The following PDE4D variants were observed in gnomAD, a reference collection of about 807,000 sequenced individuals.
PDE4D encodes phosphodiesterase 4D, also known as 3',5'-cyclic-AMP phosphodiesterase 4D.
Under a neutral mutation model 87.4 loss-of-function variants are expected in PDE4D, and 24 were observed. The observed-to-expected ratio is 0.27, with a 90% CI of 0.20 to 0.39. PDE4D has a LOEUF of 0.39. PDE4D is among the 10% of genes least tolerant of loss of function. PDE4D has a pLI of 1.00. For missense variants in PDE4D, 714 were observed against 1,041.0 expected (o/e 0.69, Z 4.32); for synonymous variants, 384 against 383.2 (o/e 1.00, Z -0.02).
chr5:60,501,360 A>G (rs896014413), intron 1 of PDE4D, among the ~76,000 whole-genome samples: 5 of 151,790 alleles, frequency 3.3e-5, no homozygotes, highest in African/African-American at 1.2e-4. Context: ...ATAGTATTCC[A>G]TGGTGTATAT....
intron 3 of PDE4D, among the ~76,000 whole-genome samples, chr5:59,898,962 G>A (rs953642652): frequency 6.6e-5 from 10 of 152,272 alleles, no homozygotes; most frequent in Non-Finnish European, 1.2e-4. Context: ...GAACTGCAGG[G>A]CACAGATGGA....
At chr5:59,818,125 G>T (rs964875702) in intron 1 of PDE4D, among the ~76,000 whole-genome samples, 3 of 152,178 alleles carry the variant, frequency 2.0e-5, no homozygotes, top group Middle Eastern at 3.2e-3. Context: ...CAACACTCAG[G>T]CATGGCAGGG....
chr5:59,303,842 CT>C (rs1770745938), intron 1 of PDE4D, among the ~76,000 whole-genome samples: 1 of 152,050 alleles, frequency 6.6e-6, no homozygotes, highest in Non-Finnish European at 1.5e-5. Flanking sequence ...CAGATTTGTA[CT>C]TTTTGCTTGG....
In PDE4D at chr5:59,412,049, T is replaced by C. The variant is rs144909812; in HGVS notation, c.456-196081A>G. On this transcript the variant is annotated intron_variant, in intron 1 of 14. Transcript: ENST00000340635. Reference sequence around the variant, plus strand: ...AGGTAAGCCAGACTCAATATCTATATACAAGAGGGCTTTGTTGAGAAGGAT... The same window carrying C: ...AGGTAAGCCAGACTCAATATCTATACACAAGAGGGCTTTGTTGAGAAGGAT... Among the ~76,000 whole-genome samples, 200 of 152,274 alleles carry C rather than the reference T, an allele frequency of 1.3e-3. 3 individuals are homozygous for C. Among genetic ancestry groups the C allele is most frequent in the African/African-American group, 4.5e-3 (185 of 41,546 alleles).
chr5:60,298,275 T>A (rs773818504), intron 1 of PDE4D, among the ~76,000 whole-genome samples: 8 of 152,152 alleles, frequency 5.3e-5, no homozygotes, highest in Admixed American at 3.9e-4. Context: ...ACCATTCAAC[T>A]AACATAAAAG....
intron 1 of PDE4D, among the ~76,000 whole-genome samples, chr5:59,725,783 C>T (rs770667941): frequency 8.6e-5 from 13 of 151,910 alleles, no homozygotes; most frequent in Non-Finnish European, 1.3e-4. Context: ...ATCCTAAGGG[C>T]TTTATTTAAT....
At chr5:60,303,979 A>AT (rs1754191262) in intron 1 of PDE4D, 1 of 152,134 alleles carries the variant, frequency 6.6e-6, no homozygotes, top group South Asian at 2.1e-4. Flanking sequence ...GTGCTCCCGT[A>AT]TTGGGGTGCA....
At chr5:59,784,239 CTTTT>C (rs34497367) in intron 1 of PDE4D, among the ~76,000 whole-genome samples, 1 of 140,050 alleles carries the variant, frequency 7.1e-6, no homozygotes, top group Non-Finnish European at 1.5e-5. Context: ...AAGTAACTTC[CTTTT>C]TTTTTTTTTA....
At chr5:59,231,969 T>C (rs1755306212) in intron 1 of PDE4D, among the ~76,000 whole-genome samples, 2 of 152,180 alleles carry the variant, frequency 1.3e-5, no homozygotes, top group African/African-American at 4.8e-5. Flanking sequence ...ATCAGCAAAG[T>C]TACAGAGGAT....
chr5:60,430,570 T>C (rs1478001911), intron 1 of PDE4D, among the ~76,000 whole-genome samples: 1 of 149,866 alleles, frequency 6.7e-6, no homozygotes, highest in African/African-American at 2.5e-5. Flanking sequence ...TTATTGATCA[T>C]TCTTGGGTGT....
At position 58,972,634 on chromosome 5, in the gene PDE4D, C is replaced by G. The variant is rs1223914050; in HGVS notation, c.*2030G>C. On this transcript the variant is annotated 3_prime_UTR_variant, in exon 15 of 15. Transcript: ENST00000340635. ...GTCAGATACCCACTTTGGCTTCTATCTATCTCAATTCTTGAATATCAATGT... is the reference window on the plus strand; with the variant it reads ...GTCAGATACCCACTTTGGCTTCTATGTATCTCAATTCTTGAATATCAATGT... 1 of 152,146 alleles carries G rather than the reference C, an allele frequency of 6.6e-6. No homozygotes were observed. Among genetic ancestry groups the G allele is most frequent in the Non-Finnish European group, 1.5e-5 (1 of 68,042 alleles). The allele number at this position is 152,146 out of a possible 1,614,324, so 9.4% of individuals were successfully genotyped here. A position where few individuals can be genotyped will look rare whatever the true frequency, so the allele number is the denominator to read the frequency against.
intron 1 of PDE4D, among the ~76,000 whole-genome samples, chr5:59,825,026 G>A (rs964977924): frequency 2.6e-5 from 4 of 152,082 alleles, no homozygotes; most frequent in Non-Finnish European, 4.4e-5. Flanking sequence ...ACCTCTTCAC[G>A]GGAAGACATA....
At chr5:59,253,919 A>G (rs932681674) in intron 1 of PDE4D, among the ~76,000 whole-genome samples, 23 of 152,164 alleles carry the variant, frequency 1.5e-4, no homozygotes, top group African/African-American at 5.5e-4. Context: ...ACAAATCTAT[A>G]AGGCAAACGA....
chr5:59,154,870 A>G (rs1779936820), intron 5 of PDE4D, among the ~76,000 whole-genome samples: 1 of 152,196 alleles, frequency 6.6e-6, no homozygotes, highest in South Asian at 2.1e-4. Flanking sequence ...TGGGCAACAG[A>G]GTGAGACAAC....
At chr5:59,227,022 C>G (rs1027592342) in intron 1 of PDE4D, among the ~76,000 whole-genome samples, 1 of 152,208 alleles carries the variant, frequency 6.6e-6, no homozygotes, top group Non-Finnish European at 1.5e-5. Context: ...AAAGCACATG[C>G]TCTCCAGGCC....
At chr5:58,994,275 G>T (rs1748632956) in intron 6 of PDE4D, among the ~76,000 whole-genome samples, 2 of 152,026 alleles carry the variant, frequency 1.3e-5, no homozygotes, top group Non-Finnish European at 2.9e-5. Context: ...AAGAAACACT[G>T]GAATTAACCT....
intron 1 of PDE4D, among the ~76,000 whole-genome samples, chr5:60,272,422 C>A (rs1334493934): frequency 6.6e-6 from 1 of 152,236 alleles, no homozygotes; most frequent in Admixed American, 6.5e-5. Context: ...GAACTGCAAT[C>A]TTTTAAAACT....
chr5:59,489,917 T>C (rs925234620), intron 1 of PDE4D, among the ~76,000 whole-genome samples: 1 of 152,214 alleles, frequency 6.6e-6, no homozygotes, highest in African/African-American at 2.4e-5. Flanking sequence ...ATGATAATAG[T>C]TATCTAAGAT....
intron 4 of PDE4D, among the ~76,000 whole-genome samples, chr5:59,182,199 A>C (rs1021862713): frequency 3.1e-4 from 47 of 152,162 alleles, no homozygotes; most frequent in African/African-American, 1.1e-3. Context: ...TATTTTAAGC[A>C]GCTGCTCTGA....
Sources: allele counts gnomAD v4.1 joint callset (sites outside exome capture counted in the v4.1 genomes callset), GRCh38; gene constraint gnomAD v4.1.1; transcripts MANE v1.5; gene names NCBI Gene and HGNC (gene_info 2026-07-23, HGNC 2026-07-21).